Variants in MALRD1 observed in about 807,000 individuals in gnomAD.
MALRD1 encodes the protein MAM and LDL-receptor class A domain-containing protein 1.
Under a neutral mutation model 242.1 loss-of-function variants are expected in MALRD1, and 247 were observed. The ratio of observed to expected loss-of-function variants is 1.02; its 90% CI spans 0.92 to 1.13. The LOEUF (loss-of-function observed/expected upper bound fraction) is 1.13. MALRD1 is among the 50% of genes most tolerant of loss of function. The pLI, the probability that MALRD1 is intolerant of heterozygous loss-of-function variation, is 0.00. For missense variants in MALRD1, 2,989 were observed against 2,533.1 expected, an observed-to-expected ratio of 1.18 and a Z score of -3.86; for synonymous variants, 995 against 866.6, an observed-to-expected ratio of 1.15 and a Z score of -2.60.
At chr10:19,727,833 A>G (rs1589450780) in intron 38 of MALRD1, among the ~76,000 whole-genome samples, 2 of 152,248 alleles carry the variant, frequency 1.3e-5, no homozygotes, top group South Asian at 4.2e-4. Context: ...CTGGCAGGAA[A>G]CTTTATAATG....
At position 19,692,342 on chromosome 10, in the gene MALRD1, C is replaced by T. The variant is rs1190318838; in HGVS notation, c.6198C>T (p.Asp2066=). ...TCAAGTTTAATCCTCCTGCTACAGA[C>T]TTCACATACGCTCAGAATAGTAGGT... is the stretch of plus-strand genomic sequence containing the variant. The part of the protein sequence containing the change: ...CHIKFNPPAT[D]FTYAQNNTWT... Residue 2066 remains aspartate (D), a synonymous_variant, in exon 37 of 40, where the codon GAC becomes GAT. Coordinates refer to ENST00000454679, the MANE Select transcript of MALRD1 (RefSeq NM_001142308.3). 10 of 1,535,350 alleles carry T rather than the reference C, an allele frequency of 6.5e-6. No homozygotes were observed. The highest frequency in any genetic ancestry group is 7.8e-6 in the Non-Finnish European group (9 of 1,146,524).
At chr10:19,397,939 T>C (rs1477723278) in intron 28 of MALRD1, among the ~76,000 whole-genome samples, 1 of 152,022 alleles carries the variant, frequency 6.6e-6, no homozygotes, top group Non-Finnish European at 1.5e-5. Flanking sequence ...ATATATCTCT[T>C]GGCCATGTAT....
In MALRD1 at chr10:19,156,142, C is replaced by T. The variant is rs190251804; in HGVS notation, c.1656+970C>T. On this transcript the variant is annotated intron_variant, in intron 12 of 39. Transcript: ENST00000454679. Reference sequence around the variant, plus strand: ...AAGTGTAGTGTTAGAGCAGTTTACTCGGGCATTCCTGGTGATAAATGACAT... The same window carrying T: ...AAGTGTAGTGTTAGAGCAGTTTACTTGGGCATTCCTGGTGATAAATGACAT... 7.2e-5 allele frequency among the ~76,000 whole-genome samples: 11 copies of T among 152,228 alleles called. No homozygotes were observed. In the East Asian group the frequency reaches 1.7e-3, roughly 24 times the overall value.
intron 30 of MALRD1, 66 bp from the exon 31 acceptor site, chr10:19,498,419 A>T (rs927313093): frequency 7.2e-7 from 1 of 1,381,384 alleles, no homozygotes; most frequent in Non-Finnish European, 9.8e-7. Flanking sequence ...AATGATCCCA[A>T]ATATAGGGTA....
At chr10:19,169,050 A>T (rs1834813604) in intron 13 of MALRD1, among the ~76,000 whole-genome samples, 2 of 152,352 alleles carry the variant, frequency 1.3e-5, no homozygotes, top group South Asian at 4.1e-4. Context: ...TTAGAAAATT[A>T]AATTTGGAAA....
chr10:19,329,509 G>A (rs910109450), intron 23 of MALRD1, among the ~76,000 whole-genome samples: 6 of 151,788 alleles, frequency 4.0e-5, no homozygotes, highest in Non-Finnish European at 8.8e-5. Flanking sequence ...TACTATTTAT[G>A]AATTTTTAAA....
chr10:19,666,007 C>A (rs1231635114), intron 36 of MALRD1, among the ~76,000 whole-genome samples: 2 of 151,914 alleles, frequency 1.3e-5, no homozygotes, highest in African/African-American at 4.8e-5. Flanking sequence ...GGTCGGAATT[C>A]AAACGCAGGA....
At chr10:19,241,149 T>C (rs1364297912) in intron 18 of MALRD1, among the ~76,000 whole-genome samples, 2 of 152,138 alleles carry the variant, frequency 1.3e-5, no homozygotes, top group Non-Finnish European at 1.5e-5. Context: ...AGTTATTCTT[T>C]AACTGTTTGG....
chr10:19,565,578 A>T (rs1053225777), intron 32 of MALRD1, among the ~76,000 whole-genome samples: 28 of 152,128 alleles, frequency 1.8e-4, no homozygotes, highest in African/African-American at 6.8e-4. Context: ...TGAATTAGAA[A>T]CTTCACATCT....
chr10:19,530,466 A>ATAT (rs1834358336), intron 31 of MALRD1, among the ~76,000 whole-genome samples: 2 of 18,484 alleles, frequency 1.1e-4, no homozygotes, highest in Admixed American at 1.7e-3. Context: ...TATAATAATA[A>ATAT]ATAATTATAT....
At chr10:19,188,550 C>T (rs530776370) in intron 14 of MALRD1, among the ~76,000 whole-genome samples, 97 of 151,724 alleles carry the variant, frequency 6.4e-4, no homozygotes, top group African/African-American at 2.3e-3. Context: ...ACACTGTGAT[C>T]TTTTTTTGTC....
chr10:19,372,999 A>T (rs1845443661), intron 26 of MALRD1, among the ~76,000 whole-genome samples: 1 of 151,984 alleles, frequency 6.6e-6, no homozygotes, highest in Admixed American at 6.6e-5. Context: ...ATAAATATGG[A>T]TGTTCATGTG....
chr10:19,697,646 A>C (rs1022939792), intron 38 of MALRD1, among the ~76,000 whole-genome samples: 3 of 152,178 alleles, frequency 2.0e-5, no homozygotes, highest in Non-Finnish European at 4.4e-5. Flanking sequence ...CATGTTGAAC[A>C]GCCTATCATA....
intron 18 of MALRD1, 69 bp downstream of exon 18, chr10:19,209,749 C>T (rs1336453248): frequency 7.3e-7 from 1 of 1,367,632 alleles, no homozygotes; most frequent in African/African-American, 1.5e-5. Flanking sequence ...TGAAAGATCG[C>T]TGTATTCTCT....
intron 29 of MALRD1, among the ~76,000 whole-genome samples, chr10:19,469,512 G>A (rs1210762204): frequency 6.6e-6 from 1 of 152,130 alleles, no homozygotes; most frequent in Non-Finnish European, 1.5e-5. Context: ...TAAGCACAGA[G>A]CTGTGACTCA....
At chr10:19,109,223 G>A (rs193067333) in intron 5 of MALRD1, among the ~76,000 whole-genome samples, 83 of 152,276 alleles carry the variant, frequency 5.5e-4, no homozygotes, top group Admixed American at 9.2e-4. Flanking sequence ...ATGCTGGGCT[G>A]TTCTGAATGC....
At chr10:19,624,351 G>A (rs918156021) in intron 36 of MALRD1, among the ~76,000 whole-genome samples, 1 of 152,016 alleles carries the variant, frequency 6.6e-6, no homozygotes, top group African/African-American at 2.4e-5. Flanking sequence ...CCTTGGGCCA[G>A]GTATAGAAAA....
intron 18 of MALRD1, among the ~76,000 whole-genome samples, chr10:19,238,328 T>TTATATATAATATGTAA (rs1244982087): frequency 8.6e-5 from 6 of 69,642 alleles, no homozygotes; most frequent in African/African-American, 3.6e-4. Context: ...ATAATGTATA[T>TTATATATAATATGTAA]TATACATAAT....
In MALRD1 at chr10:19,232,295, T is replaced by C. The variant is rs904938983; in HGVS notation, c.2991+22615T>C. ...AATTCTCCTGCCTCAGTCTCCCAAG[T>C]AGCTGGGATTATAGGTGCCCGCCAC... On this transcript the variant is annotated intron_variant, in intron 18 of 39. Coordinates refer to ENST00000454679, the MANE Select transcript of MALRD1 (RefSeq NM_001142308.3). Among the ~76,000 whole-genome samples the C allele has an allele frequency of 6.6e-5, 10 of 151,808 alleles. 1 individual carries two copies. Among genetic ancestry groups the C allele is most frequent in the Non-Finnish European group, 1.3e-4 (9 of 67,948 alleles).
Sources: allele counts gnomAD v4.1 joint callset (sites outside exome capture counted in the v4.1 genomes callset), GRCh38; gene constraint gnomAD v4.1.1; transcripts MANE v1.5; gene names NCBI Gene and HGNC (gene_info 2026-07-23, HGNC 2026-07-21).